The following PICALM variants were observed in gnomAD, a reference collection of about 807,000 sequenced individuals.
The protein encoded by PICALM is phosphatidylinositol-binding clathrin assembly protein.
PICALM carries 40 observed loss-of-function variants against 80.5 expected under a neutral mutation model. That is an observed-to-expected ratio of 0.50 (90% CI 0.39 to 0.65). PICALM has a LOEUF of 0.65. Among genes scored for constraint, PICALM ranks in the 30% least tolerant of loss-of-function variants. PICALM has a pLI of 0.00. For missense variants in PICALM, 676 were observed against 778.9 expected, an observed-to-expected ratio of 0.87 and a Z score of 1.57; for synonymous variants, 288 against 260.3, an observed-to-expected ratio of 1.11 and a Z score of -1.02.
rs550550162 is a variant in PICALM, at chr11:86,054,856, T to C, written c.130+13795A>G. Among the ~76,000 whole-genome samples the C allele has an allele frequency of 2.0e-5, 3 of 152,192 alleles. 1 individual carries two copies. The highest frequency in any genetic ancestry group is 7.2e-5 in the African/African-American group (3 of 41,526). ...TTCTCCATGTTGGTCAGGCTGGTCT[T>C]GAACTCCTGACCACAGGTTATCCAT... On this transcript the variant is annotated intron_variant, in intron 1 of 19. Coordinates refer to ENST00000393346, the MANE Select transcript of PICALM (RefSeq NM_007166.4).
Position 86,020,466 on chromosome 11 carries a change from C to T in PICALM, c.452+1901G>A, listed in dbSNP as rs75331545. ...AAAGAATAGAATTGGAAGACTCACA[C>T]GTTCTAATTTTAAAACACACTGCAA... is the stretch of plus-strand genomic sequence containing the variant. On this transcript the variant is annotated intron_variant, in intron 4 of 19. Coordinates refer to ENST00000393346, the MANE Select transcript of PICALM (RefSeq NM_007166.4). 7.7e-3 allele frequency among the ~76,000 whole-genome samples: 1,141 copies of T among 148,818 alleles called. 14 individuals carry two copies. Among genetic ancestry groups the T allele is most frequent in the African/African-American group, 0.027 (1,095 of 40,520 alleles).
intron 3 of PICALM, among the ~76,000 whole-genome samples, chr11:86,023,967 T>C (rs2095607749): frequency 6.6e-6 from 1 of 152,046 alleles, no homozygotes; most frequent in South Asian, 2.1e-4. Context: ...CTACAAAATA[T>C]TTAAGAATAA....
intron 1 of PICALM, among the ~76,000 whole-genome samples, chr11:86,044,165 A>G (rs887340796): frequency 6.6e-6 from 1 of 152,252 alleles, no homozygotes; most frequent in Non-Finnish European, 1.5e-5. Context: ...ATGAACAAAT[A>G]GATGGTGGCA....
chr11:86,001,539 T>A (rs1168100846), intron 9 of PICALM, among the ~76,000 whole-genome samples: 1 of 152,210 alleles, frequency 6.6e-6, no homozygotes, highest in Non-Finnish European at 1.5e-5. Flanking sequence ...GAAAACCCTC[T>A]GCTAATTTAC....
chr11:86,015,260 A>C (rs2095462784), intron 4 of PICALM, among the ~76,000 whole-genome samples: 1 of 152,194 alleles, frequency 6.6e-6, no homozygotes, highest in Admixed American at 6.5e-5. Flanking sequence ...GTATTTTCAC[A>C]AGATGAAATG....
upstream of PICALM, chr11:86,069,729 G>GT (rs954344229): frequency 6.6e-6 from 1 of 152,178 alleles, no homozygotes; most frequent in Non-Finnish European, 1.5e-5. Context: ...CCCCAGAAAG[G>GT]TTTTTTCCCC....
chr11:86,025,569 G>GT (rs1462691976), intron 3 of PICALM, among the ~76,000 whole-genome samples: 2 of 150,994 alleles, frequency 1.3e-5, no homozygotes, highest in African/African-American at 4.9e-5. Context: ...TTTTTTGTTT[G>GT]TTTTTTTGAG....
intron 12 of PICALM, among the ~76,000 whole-genome samples, chr11:85,993,503 A>G (rs1592672775): frequency 6.6e-6 from 1 of 152,056 alleles, no homozygotes; most frequent in East Asian, 1.9e-4. Flanking sequence ...CAGGGGCATG[A>G]TCTTGGCTCA....
chr11:85,996,097 A>T (rs897282082), intron 12 of PICALM, among the ~76,000 whole-genome samples: 16 of 152,140 alleles, frequency 1.1e-4, no homozygotes, highest in African/African-American at 3.9e-4. Flanking sequence ...CTTACTTTCT[A>T]GGATATAGTT....
chr11:85,967,723 CA>C (rs1049940977), intron 19 of PICALM, among the ~76,000 whole-genome samples: 7 of 152,010 alleles, frequency 4.6e-5, no homozygotes, highest in African/African-American at 1.7e-4. Context: ...ACAACAACAA[CA>C]AAACCAAAAA....
At position 86,032,357 on chromosome 11, in the gene PICALM, C is replaced by T. The variant is rs1423256064; in HGVS notation, c.131-746G>A. ...GTAAAATAGGTTGGGTGCGGTGGCT[C>T]ACCCCTGTAATCCCAGTACTTTGGA... On this transcript the variant is annotated intron_variant, in intron 1 of 19. Transcript: ENST00000393346. 4.6e-5 allele frequency among the ~76,000 whole-genome samples: 7 copies of T among 152,188 alleles called. 1 individual carries two copies. The highest frequency in any genetic ancestry group is 3.3e-4 in the Admixed American group (5 of 15,280).
chr11:86,002,708 T>C (rs1433177630), intron 9 of PICALM, among the ~76,000 whole-genome samples: 9 of 152,168 alleles, frequency 5.9e-5, no homozygotes, highest in Admixed American at 1.3e-4. Flanking sequence ...AGCAAATTAA[T>C]ACGAAAGTAT....
At chr11:86,024,355 C>G (rs1175584473) in intron 3 of PICALM, among the ~76,000 whole-genome samples, 2 of 150,186 alleles carry the variant, frequency 1.3e-5, no homozygotes, top group African/African-American at 4.9e-5. Context: ...AATACCTGCA[C>G]TTACCAAAGG....
chr11:85,959,318 G>C (rs768458360), intron 19 of PICALM, among the ~76,000 whole-genome samples: 38 of 133,968 alleles, frequency 2.8e-4, no homozygotes, highest in Non-Finnish European at 4.8e-5. Context: ...GTCTAGGCTG[G>C]ATTGCAGTGG....
intron 13 of PICALM, among the ~76,000 whole-genome samples, chr11:85,989,280 C>T (rs2094687236): frequency 6.6e-6 from 1 of 152,156 alleles, no homozygotes; most frequent in Non-Finnish European, 1.5e-5. Flanking sequence ...CATATTTTTA[C>T]AACACCTGAC....
At chr11:85,961,149 T>G (rs1409762446) in intron 19 of PICALM, among the ~76,000 whole-genome samples, 1 of 152,120 alleles carries the variant, frequency 6.6e-6, no homozygotes, top group African/African-American at 2.4e-5. Flanking sequence ...TGAGAGAACA[T>G]GGTTTCCTGT....
At chr11:86,050,046 A>G (rs1283953701) in intron 1 of PICALM, among the ~76,000 whole-genome samples, 2 of 151,564 alleles carry the variant, frequency 1.3e-5, no homozygotes, top group Admixed American at 1.3e-4. Flanking sequence ...CTAAAAATAA[A>G]ATACAAAAAT....
At chr11:86,060,389 G>A in intron 1 of PICALM, among the ~76,000 whole-genome samples, 1 of 152,134 alleles carries the variant, frequency 6.6e-6, no homozygotes, top group East Asian at 1.9e-4. Flanking sequence ...GAGTGGCACT[G>A]TTTCACATTT....
intron 6 of PICALM, among the ~76,000 whole-genome samples, chr11:86,011,851 G>GTTT (rs71040204): frequency 8.9e-4 from 118 of 132,984 alleles, no homozygotes; most frequent in Middle Eastern, 7.9e-3. Context: ...TATCCTTTTT[G>GTTT]TTTTTTTTTT....
Sources: gnomAD v4.1 joint callset for allele counts (sites outside exome capture counted in the v4.1 genomes callset) on GRCh38, gnomAD v4.1.1 for gene constraint, MANE v1.5 for transcripts, NCBI Gene and HGNC (gene_info 2026-07-23, HGNC 2026-07-21) for gene names.